Variants in SDHA observed in about 807,000 individuals in gnomAD.
The protein encoded by SDHA is succinate dehydrogenase complex flavoprotein subunit A.
SDHA carries 48 observed loss-of-function variants against 78.4 expected under a neutral mutation model. The observed-to-expected ratio is 0.61, with a 90% CI of 0.49 to 0.78. SDHA has a LOEUF of 0.78. SDHA is among the 30% of genes least tolerant of loss of function. The pLI, the probability that SDHA is intolerant of heterozygous loss-of-function variation, is 0.00. For synonymous variants in SDHA, 326 were observed against 353.9 expected (o/e 0.92, Z 0.88); for missense variants, 680 against 892.7 (o/e 0.76, Z 3.04).
intron 11 of SDHA, chr5:249,292 T>A (rs551934765): frequency 8.2e-6 from 2 of 242,660 alleles, no homozygotes; most frequent in Non-Finnish European, 1.6e-5. Context: ...CTGCCTTTGC[T>A]TTTATCACTT....
In SDHA at chr5:233,660, C is replaced by T; in HGVS notation, c.1064+15C>T. 6.2e-7 allele frequency: 1 copy of T among 1,613,390 alleles called. No individual in the cohort carries two copies. ...CGAGAAGGAAGGTGCGTGTGATTTA[C>T]CACCAGCACTGTCTGAGCGGGCACA... is the stretch of plus-strand genomic sequence containing the variant. On this transcript the variant is annotated intron_variant, in intron 8 of 14. Transcript: ENST00000264932.
chr5:253,815 A>G (rs1368829118), intron 13 of SDHA, among the ~76,000 whole-genome samples: 1 of 151,076 alleles, frequency 6.6e-6, no homozygotes, highest in Non-Finnish European at 1.5e-5. Context: ...TAATCCCAGC[A>G]TTTGGGAGGC....
At chr5:255,456 G>GTT (rs200609682) in intron 14 of SDHA, among the ~76,000 whole-genome samples, 3 of 150,416 alleles carry the variant, frequency 2.0e-5, no homozygotes, top group Non-Finnish European at 3.0e-5. Context: ...GGGTTTTTTG[G>GTT]TTTTTTTTTG....
chr5:221,055 C>T (rs1193032586), intron 1 of SDHA, among the ~76,000 whole-genome samples: 13 of 152,138 alleles, frequency 8.5e-5, no homozygotes, highest in Middle Eastern at 3.4e-3. Context: ...CCTCGTGATC[C>T]GCCCGCCTCG....
chr5:232,009 A>C (rs1444519824), intron 7 of SDHA, among the ~76,000 whole-genome samples: 1 of 139,908 alleles, frequency 7.1e-6, no homozygotes, highest in Non-Finnish European at 1.5e-5. Flanking sequence ...GTTCTTCAGA[A>C]TGAGTCAGAG....
intron 11 of SDHA, among the ~76,000 whole-genome samples, chr5:248,184 A>T (rs1217733408): frequency 6.6e-6 from 1 of 152,232 alleles, no homozygotes; most frequent in Non-Finnish European, 1.5e-5. Context: ...GGACGGAACC[A>T]TCAAGACACC....
At chr5:252,692 A>C (rs1736922410) in intron 13 of SDHA, among the ~76,000 whole-genome samples, 1 of 151,202 alleles carries the variant, frequency 6.6e-6, no homozygotes. Flanking sequence ...TGAGTAAGTC[A>C]CCGTTTCAAG....
chr5:253,417 A>G (rs2126639203), intron 13 of SDHA, among the ~76,000 whole-genome samples: 1 of 152,306 alleles, frequency 6.6e-6, no homozygotes, highest in Admixed American at 6.5e-5. Flanking sequence ...TTGCCAGAAT[A>G]CAGAATAATA....
intron 13 of SDHA, chr5:251,917 G>A (rs372052259): frequency 3.8e-5 from 13 of 337,876 alleles, no homozygotes; most frequent in South Asian, 6.7e-5. Context: ...GTAAGCCACC[G>A]TTTCAAACCT....
chr5:236,290 C>G (rs6878237), intron 9 of SDHA, 138 bp from the exon 10 acceptor site: 128,175 of 829,546 alleles, frequency 0.15, 15,145 homozygotes, highest in African/African-American at 0.53. Flanking sequence ...TCCCAAAGTG[C>G]TGAGATTACA....
At position 251,281 on chromosome 5, in the gene SDHA, G is replaced by A. The variant is rs1020154584; in HGVS notation, c.1664-57G>A. On this transcript the variant is annotated intron_variant, in intron 12 of 14. Coordinates refer to ENST00000264932, the MANE Select transcript of SDHA (RefSeq NM_004168.4). ...ACTAGCAGGCCCAGGCTGACAGCTCGGAGGGCCCATGTGACTGGGTCCCGC... is the reference window on the plus strand; with the variant it reads ...ACTAGCAGGCCCAGGCTGACAGCTCAGAGGGCCCATGTGACTGGGTCCCGC... 23 of 1,587,204 alleles carry A rather than the reference G, an allele frequency of 1.4e-5. No individual in the cohort carries two copies. The Admixed American group carries it at 2.1e-4, about 15-fold the overall frequency.
chr5:225,347 G>A (rs1263011367), intron 3 of SDHA, 72 bp from the exon 4 acceptor site: 4 of 1,602,012 alleles, frequency 2.5e-6, no homozygotes, highest in Non-Finnish European at 3.4e-6. Flanking sequence ...CCCCCCAGCG[G>A]GTGGATTTGG....
chr5:256,538 A>G lies in SDHA; in HGVS notation c.*118A>G. On this transcript the variant is annotated 3_prime_UTR_variant, in exon 15 of 15. Coordinates refer to ENST00000264932, the MANE Select transcript of SDHA (RefSeq NM_004168.4). ...CTGCACTCTGGGGAAGAAGGAGTAC[A>G]TTGAAGGGAGATTGGCACCTAGTGG... The G allele has an allele frequency of 6.4e-6, 6 of 933,668 alleles. No homozygotes were observed. Among genetic ancestry groups the G allele is most frequent in the Non-Finnish European group, 1.0e-5 (6 of 579,042 alleles). 57.8% of individuals were successfully genotyped at this position (933,668 alleles called of 1,614,324 possible).
intron 11 of SDHA, 94 bp from the exon 12 acceptor site, chr5:250,893 TTTAAG>T (rs1299600117): frequency 1.7e-5 from 17 of 1,019,634 alleles, no homozygotes; most frequent in African/African-American, 1.4e-4. Flanking sequence ...TTATGTAACT[TTTAAG>T]TGAAATGCAA....
At chr5:222,049 TC>T (rs1467015697) in intron 1 of SDHA, among the ~76,000 whole-genome samples, 1 of 145,844 alleles carries the variant, frequency 6.9e-6, no homozygotes, top group African/African-American at 2.8e-5. Flanking sequence ...TACAACATTT[TC>T]AAGAACATTT....
chr5:239,394 T>C (rs1397856647), intron 10 of SDHA, among the ~76,000 whole-genome samples: 1 of 151,940 alleles, frequency 6.6e-6, no homozygotes, highest in Non-Finnish European at 1.5e-5. Flanking sequence ...CCATTTCTAC[T>C]GAAAATACAA....
At chr5:260,810 C>T (rs1281942596), downstream of SDHA, among the ~76,000 whole-genome samples, 3 of 14,504 alleles carry the variant, frequency 2.1e-4, 1 homozygote, top group Non-Finnish European at 4.7e-4. Flanking sequence ...AGCTCCGCCT[C>T]CTGCCAGAGC....
chr5:228,168 T>C lies in SDHA; in HGVS notation c.622-17T>C, dbSNP rs1304066611. On this transcript the variant is annotated splice_polypyrimidine_tract_variant and intron_variant, in intron 5 of 14. Transcript: ENST00000264932. ...TTGGCTTAACACTTCTTGCCCTTTTTTTTTCCTTTCTTTTAGTCTCTGCGA... is the reference window on the plus strand; with the variant it reads ...TTGGCTTAACACTTCTTGCCCTTTTCTTTTCCTTTCTTTTAGTCTCTGCGA... The C allele has an allele frequency of 3.7e-6, 6 of 1,613,420 alleles. No homozygotes were observed. The highest frequency in any genetic ancestry group is 4.2e-6 in the Non-Finnish European group (5 of 1,179,722).
Position 237,076 on chromosome 5 carries a change from G to C in SDHA, c.1432+477G>C, listed in dbSNP as rs1425419959. The stretch of plus-strand genomic sequence containing the variant: ...TTATATGGTGGTAATGTTGAGACTA[G>C]ATAGAGGCTGGTTGGGGATCTTAAC... On this transcript the variant is annotated intron_variant, in intron 10 of 14. Coordinates refer to ENST00000264932, the MANE Select transcript of SDHA (RefSeq NM_004168.4). Among the ~76,000 whole-genome samples, 4 of 136,756 alleles carry C rather than the reference G, an allele frequency of 2.9e-5. 1 individual carries two copies. Among genetic ancestry groups the C allele is most frequent in the African/African-American group, 1.4e-4 (4 of 29,038 alleles). The allele number at this position is 136,756 out of a possible 152,430, so 89.7% of individuals were successfully genotyped here. A position where few individuals can be genotyped will look rare whatever the true frequency, so the allele number is the denominator to read the frequency against.
Sources: gnomAD v4.1 joint callset for allele counts (sites outside exome capture counted in the v4.1 genomes callset) on GRCh38, gnomAD v4.1.1 for gene constraint, MANE v1.5 for transcripts, NCBI Gene and HGNC (gene_info 2026-07-23, HGNC 2026-07-21) for gene names.